The following JAK2 variants were observed in gnomAD, a reference collection of about 807,000 sequenced individuals.
JAK2 encodes the protein Janus kinase 2.
A neutral mutation model predicts 139.3 loss-of-function variants in JAK2; 86 were observed. The ratio of observed to expected loss-of-function variants is 0.62; its 90% CI spans 0.52 to 0.74. The LOEUF is 0.74. Ranked by LOEUF, JAK2 falls within the 30% of genes least tolerant of loss-of-function variation. The pLI, the probability that JAK2 is intolerant of heterozygous loss-of-function variation, is 0.00. For synonymous variants in JAK2, 490 were observed against 437.7 expected (o/e 1.12, Z -1.49); for missense variants, 1,421 against 1,360.3 (o/e 1.04, Z -0.70).
chr9:4,991,372 C>G (rs1045439083), intron 2 of JAK2, among the ~76,000 whole-genome samples: 6 of 152,030 alleles, frequency 3.9e-5, no homozygotes, highest in African/African-American at 1.5e-4. Context: ...TTAGTTCTTA[C>G]TAAGTGGTTT....
intron 19 of JAK2, chr9:5,085,468 G>T: frequency 1.4e-6 from 1 of 727,986 alleles, no homozygotes; most frequent in Non-Finnish European, 2.6e-6. Context: ...AAGGTATTGT[G>T]CAAATCTCTC....
At chr9:5,004,246 CAG>C (rs1486415494) in intron 2 of JAK2, among the ~76,000 whole-genome samples, 1 of 152,150 alleles carries the variant, frequency 6.6e-6, no homozygotes, top group Non-Finnish European at 1.5e-5. Context: ...TCCTATCTAA[CAG>C]AAATTTCGTA....
At chr9:5,024,560 T>C (rs183686122) in intron 3 of JAK2, among the ~76,000 whole-genome samples, 18 of 152,196 alleles carry the variant, frequency 1.2e-4, no homozygotes, top group Non-Finnish European at 2.4e-4. Flanking sequence ...TGGGCATGCA[T>C]ATGGCTTTTC....
At chr9:5,077,864 A>G (rs1359692662) in intron 15 of JAK2, among the ~76,000 whole-genome samples, 1 of 152,236 alleles carries the variant, frequency 6.6e-6, no homozygotes, top group Non-Finnish European at 1.5e-5. Context: ...AAAATTATGC[A>G]GAAGTATGTG....
intron 5 of JAK2, among the ~76,000 whole-genome samples, chr9:5,047,287 A>G (rs1817077207): frequency 6.6e-6 from 1 of 152,198 alleles, no homozygotes; most frequent in Non-Finnish European, 1.5e-5. Context: ...TTAAATAACC[A>G]AAAAATAGAT....
In JAK2 at chr9:5,068,992, C is replaced by G. The variant is rs374384053; in HGVS notation, c.1327-30C>G. The stretch of plus-strand genomic sequence containing the variant: ...ACTGTGATGTCCATTGTGACTATCC[C>G]TCCCTTTCTTTATAATTAAACTTAT... On this transcript the variant is annotated intron_variant, in intron 10 of 24. Coordinates refer to ENST00000381652, the MANE Select transcript of JAK2 (RefSeq NM_004972.4). The G allele has an allele frequency of 3.8e-6, 5 of 1,307,406 alleles. No homozygotes were observed. In the African/African-American group the frequency reaches 4.5e-5, roughly 12 times the overall value. The allele number at this position is 1,307,406 out of a possible 1,614,324, so 81.0% of individuals were successfully genotyped here.
In JAK2 at chr9:5,004,918, C is replaced by CTTT. The variant is rs557320182; in HGVS notation, c.-25-17031_-25-17029dup. 2.1e-3 allele frequency among the ~76,000 whole-genome samples: 282 copies of CTTT among 131,344 alleles called. 3 individuals are homozygous for CTTT. The highest frequency in any genetic ancestry group is 7.4e-3 in the African/African-American group (259 of 34,986). The allele number at this position is 131,344 out of a possible 152,430, so 86.2% of individuals were successfully genotyped here. The stretch of plus-strand genomic sequence containing the variant: ...AACATGTTGGCCATTTACATATTGT[C>CTTT]TTTTTTTTTTTTTTTTGAGACAGAG... On this transcript the variant is annotated intron_variant, in intron 2 of 24. Coordinates refer to ENST00000381652, the MANE Select transcript of JAK2 (RefSeq NM_004972.4).
chr9:5,070,004 T>C lies in JAK2; in HGVS notation c.1593T>C (p.His531=), dbSNP rs771076820. 5.6e-6 allele frequency: 9 copies of C among 1,609,046 alleles called. No individual in the cohort carries two copies. Among genetic ancestry groups the C allele is most frequent in the Non-Finnish European group, 7.6e-6 (9 of 1,176,664 alleles). Residue 531 remains histidine, a synonymous_variant, in exon 12 of 25, where the codon CAT becomes CAC. Coordinates refer to ENST00000381652, the MANE Select transcript of JAK2 (RefSeq NM_004972.4). ...CACCAACATTACAGAGGCCTACTCA[T>C]ATGAACCAAATGGTGTTTCACAAAA... ...PTSPTLQRPT[H]MNQMVFHKIR...
chr9:4,999,118 C>G (rs891394722), intron 2 of JAK2, among the ~76,000 whole-genome samples: 2 of 152,168 alleles, frequency 1.3e-5, no homozygotes, highest in African/African-American at 4.8e-5. Flanking sequence ...AGCCACCGCA[C>G]CCGGGCTCAG....
chr9:5,085,952 G>A (rs1210010861), intron 19 of JAK2: 5 of 1,120,630 alleles, frequency 4.5e-6, no homozygotes, highest in East Asian at 2.4e-5. Context: ...TGAAAGGATC[G>A]GTGTATTTCT....
intron 2 of JAK2, among the ~76,000 whole-genome samples, chr9:5,014,454 G>T (rs1201762558): frequency 6.6e-6 from 1 of 152,072 alleles, no homozygotes; most frequent in African/African-American, 2.4e-5. Flanking sequence ...ATACATTAAG[G>T]TTCTTACCTT....
chr9:5,093,143 A>T (rs1226484162), intron 22 of JAK2, among the ~76,000 whole-genome samples: 1 of 152,214 alleles, frequency 6.6e-6, no homozygotes, highest in Non-Finnish European at 1.5e-5. Context: ...ATAAGACTGG[A>T]ATAACCCACT....
intron 2 of JAK2, among the ~76,000 whole-genome samples, chr9:4,996,660 G>A (rs1162059327): frequency 3.4e-5 from 5 of 146,158 alleles, no homozygotes; most frequent in Non-Finnish European, 6.1e-5. Context: ...CCACCATTTA[G>A]GACCCTGTCT....
chr9:5,049,392 T>A (rs1389380468), intron 5 of JAK2, among the ~76,000 whole-genome samples: 1 of 152,230 alleles, frequency 6.6e-6, no homozygotes, highest in Non-Finnish European at 1.5e-5. Flanking sequence ...AGTTTATGCA[T>A]CTGAACATAT....
At chr9:5,028,445 G>A (rs1822923268) in intron 3 of JAK2, among the ~76,000 whole-genome samples, 1 of 152,178 alleles carries the variant, frequency 6.6e-6, no homozygotes, top group Admixed American at 6.5e-5. Flanking sequence ...AATGGCCATA[G>A]ATTTTCAGAA....
At chr9:5,018,337 G>C (rs1822202337) in intron 2 of JAK2, among the ~76,000 whole-genome samples, 1 of 151,980 alleles carries the variant, frequency 6.6e-6, no homozygotes, top group South Asian at 2.1e-4. Context: ...TTGTTTGTTT[G>C]TTTCTTTTTT....
intron 2 of JAK2, among the ~76,000 whole-genome samples, chr9:4,994,340 G>A (rs565946389): frequency 1.3e-5 from 2 of 152,268 alleles, no homozygotes; most frequent in South Asian, 2.1e-4. Context: ...CTAACCCACT[G>A]GTTCTTATCA....
At chr9:5,118,001 G>T (rs1823335766) in intron 22 of JAK2, among the ~76,000 whole-genome samples, 1 of 152,232 alleles carries the variant, frequency 6.6e-6, no homozygotes, top group East Asian at 1.9e-4. Flanking sequence ...TTCTTTGTAA[G>T]TAGTTATAAT....
chr9:5,010,919 T>C (rs936169443), intron 2 of JAK2, among the ~76,000 whole-genome samples: 4 of 152,200 alleles, frequency 2.6e-5, no homozygotes, highest in East Asian at 1.9e-4. Flanking sequence ...TGTAGAATTC[T>C]GGGTTGACAG....
Sources: gnomAD v4.1 joint callset for allele counts (sites outside exome capture counted in the v4.1 genomes callset) on GRCh38, gnomAD v4.1.1 for gene constraint, MANE v1.5 for transcripts, NCBI Gene and HGNC (gene_info 2026-07-23, HGNC 2026-07-21) for gene names.